Variants in PTPRN2 observed in about 807,000 individuals in gnomAD.
PTPRN2 encodes receptor-type tyrosine-protein phosphatase N2.
A neutral mutation model predicts 118.8 loss-of-function variants in PTPRN2; 74 were observed. The observed-to-expected ratio is 0.62, with a 90% confidence interval of 0.52 to 0.76. The LOEUF (loss-of-function observed/expected upper bound fraction) is 0.76. Ranked by LOEUF, PTPRN2 falls within the 30% of genes least tolerant of loss-of-function variation. The pLI is 0.00. For synonymous variants in PTPRN2, 641 were observed against 608.0 expected (o/e 1.05, Z -0.80); for missense variants, 1,481 against 1,394.4 (o/e 1.06, Z -0.99).
intron 1 of PTPRN2, among the ~76,000 whole-genome samples, chr7:158,507,028 A>T (rs1376949491): frequency 6.6e-6 from 1 of 152,234 alleles, no homozygotes; most frequent in African/African-American, 2.4e-5. Context: ...GCTGAGGAAC[A>T]TCAGGAGGTT....
At chr7:158,355,381 G>C (rs570841163) in intron 2 of PTPRN2, among the ~76,000 whole-genome samples, 1 of 152,324 alleles carries the variant, frequency 6.6e-6, no homozygotes, top group African/African-American at 2.4e-5. Flanking sequence ...ATGATAGCTA[G>C]GGTGCTGCAG....
At chr7:157,889,723 T>C (rs1796687311) in intron 12 of PTPRN2, among the ~76,000 whole-genome samples, 1 of 152,266 alleles carries the variant, frequency 6.6e-6, no homozygotes, top group Non-Finnish European at 1.5e-5. Flanking sequence ...CATAAATTCC[T>C]GTTCCCTTTG....
intron 12 of PTPRN2, among the ~76,000 whole-genome samples, chr7:157,797,495 G>T (rs1804948122): frequency 7.2e-6 from 1 of 138,292 alleles, no homozygotes; most frequent in Non-Finnish European, 1.5e-5. Context: ...CATCCCGTGA[G>T]GGTCACAGGC....
chr7:157,898,680 A>T lies in PTPRN2; in HGVS notation c.1781T>A (p.Val594Asp). ...ACCCCTTCTGTTACTCACCGACCCG[A>T]CTCCGGTTTGAAGAATTTTCAGTCC... Reference protein sequence around the residue: ...TSGLKILQTGVGSKSKLKFLP... With the variant: ...TSGLKILQTGDGSKSKLKFLP... The change falls in exon 12 of 23, where the codon GTC becomes GAC. Residue 594 changes from valine (V) to aspartate (D), a missense_variant. Transcript: ENST00000389418. 6.3e-7 allele frequency: 1 copy of T among 1,598,636 alleles called. No homozygotes were observed. Among genetic ancestry groups the T allele is most frequent in the South Asian group, 1.1e-5 (1 of 90,682 alleles).
intron 15 of PTPRN2, among the ~76,000 whole-genome samples, chr7:157,612,425 C>A (rs976439339): frequency 6.6e-6 from 1 of 152,168 alleles, no homozygotes; most frequent in Non-Finnish European, 1.5e-5. Context: ...GAGACACAAA[C>A]GGCTGGGGGG....
intron 11 of PTPRN2, among the ~76,000 whole-genome samples, chr7:157,923,472 A>G (rs1798803762): frequency 6.6e-6 from 1 of 152,218 alleles, no homozygotes; most frequent in African/African-American, 2.4e-5. Context: ...ATGTCACTAC[A>G]TCACATTGAG....
intron 1 of PTPRN2, among the ~76,000 whole-genome samples, chr7:158,534,966 A>G (rs753720280): frequency 1.3e-5 from 2 of 152,208 alleles, no homozygotes; most frequent in African/African-American, 2.4e-5. Flanking sequence ...AGTGTTCCCC[A>G]GAACTACACC....
At chr7:158,301,596 A>G (rs1266569194) in intron 3 of PTPRN2, among the ~76,000 whole-genome samples, 5 of 152,242 alleles carry the variant, frequency 3.3e-5, no homozygotes, top group African/African-American at 1.2e-4. Context: ...ACTGATAAGC[A>G]AAGTGCATTC....
chr7:158,132,624 T>C (rs1000110422), intron 9 of PTPRN2, among the ~76,000 whole-genome samples: 3 of 149,138 alleles, frequency 2.0e-5, no homozygotes, highest in Non-Finnish European at 4.5e-5. Context: ...ACATACACAC[T>C]CATATACACA....
intron 2 of PTPRN2, among the ~76,000 whole-genome samples, chr7:158,371,792 A>G (rs570556961): frequency 6.6e-6 from 1 of 152,384 alleles, no homozygotes; most frequent in African/African-American, 2.4e-5. Context: ...ACCGTAGGTG[A>G]ATAATTAAAT....
chr7:158,156,325 G>C (rs1563530894), intron 6 of PTPRN2, among the ~76,000 whole-genome samples: 2 of 152,164 alleles, frequency 1.3e-5, no homozygotes, highest in African/African-American at 4.8e-5. Flanking sequence ...CAGTCAAATG[G>C]CTTTCTAAAG....
At chr7:158,451,931 A>G (rs1818119744) in intron 2 of PTPRN2, among the ~76,000 whole-genome samples, 1 of 151,954 alleles carries the variant, frequency 6.6e-6, no homozygotes, top group Admixed American at 6.6e-5. Flanking sequence ...TGCCATCTGG[A>G]TTTTATTTTG....
At chr7:158,075,935 CCCAGGCCACACCT>C (rs1409627015) in intron 11 of PTPRN2, among the ~76,000 whole-genome samples, 2 of 152,224 alleles carry the variant, frequency 1.3e-5, no homozygotes, top group Non-Finnish European at 2.9e-5. Flanking sequence ...AGCCGGGCTG[CCCAGGCCACACCT>C]CCAGTCTCAC....
intron 6 of PTPRN2, among the ~76,000 whole-genome samples, chr7:158,146,717 C>T (rs1224846290): frequency 3.5e-5 from 5 of 142,606 alleles, no homozygotes; most frequent in African/African-American, 1.3e-4. Flanking sequence ...CGAGACTCTG[C>T]CTCAAAAAAA....
chr7:157,659,005 C>A (rs961723752), intron 13 of PTPRN2, among the ~76,000 whole-genome samples: 2 of 151,936 alleles, frequency 1.3e-5, no homozygotes, highest in African/African-American at 4.8e-5. Context: ...TCTCCCTTCA[C>A]CCCGGGGTGC....
At chr7:157,714,761 C>T (rs10234907) in intron 12 of PTPRN2, among the ~76,000 whole-genome samples, 8,128 of 152,206 alleles carry the variant, frequency 0.053, 321 homozygotes, top group African/African-American at 0.11. Flanking sequence ...CCCCAGGGAA[C>T]GGCGCCCAGT....
chr7:157,569,897 C>G (rs1238243710), intron 20 of PTPRN2, among the ~76,000 whole-genome samples: 2 of 152,198 alleles, frequency 1.3e-5, no homozygotes, highest in African/African-American at 4.8e-5. Flanking sequence ...GTTTCCATTT[C>G]AAGACTTCAA....
At chr7:158,296,737 G>A (rs1336009203) in intron 3 of PTPRN2, among the ~76,000 whole-genome samples, 1 of 152,220 alleles carries the variant, frequency 6.6e-6, no homozygotes, top group African/African-American at 2.4e-5. Flanking sequence ...CACGCCCTGT[G>A]AGGGGAATAA....
At chr7:158,263,007 C>G (rs920830024) in intron 3 of PTPRN2, among the ~76,000 whole-genome samples, 2 of 148,886 alleles carry the variant, frequency 1.3e-5, no homozygotes, top group African/African-American at 5.0e-5. Context: ...TGCACACACA[C>G]ATTCACACAC....
Sources: allele counts gnomAD v4.1 joint callset (sites outside exome capture counted in the v4.1 genomes callset), GRCh38; gene constraint gnomAD v4.1.1; transcripts MANE v1.5; gene names NCBI Gene and HGNC (gene_info 2026-07-23, HGNC 2026-07-21).